The following KATNIP variants were observed in gnomAD, a reference collection of about 807,000 sequenced individuals.
KATNIP encodes the protein katanin interacting protein.
A neutral mutation model predicts 174.0 loss-of-function variants in KATNIP; 126 were observed. The ratio of observed to expected loss-of-function variants is 0.72; its 90% CI spans 0.63 to 0.84. The LOEUF (loss-of-function observed/expected upper bound fraction) is 0.84. Ranked by LOEUF, KATNIP falls within the 40% of genes least tolerant of loss-of-function variation. KATNIP has a pLI of 0.00. For synonymous variants in KATNIP, 810 were observed against 835.7 expected (o/e 0.97, Z 0.53); for missense variants, 1,958 against 2,109.7 (o/e 0.93, Z 1.41).
Position 27,708,778 on chromosome 16 carries a change from G to A in KATNIP, c.1463G>A (p.Gly488Asp), listed in dbSNP as rs1375876809. The A allele has an allele frequency of 1.2e-6, 2 of 1,613,934 alleles. No individual in the cohort carries two copies. The highest frequency in any genetic ancestry group is 1.7e-6 in the Non-Finnish European group (2 of 1,180,004). The change falls in exon 13 of 28, where the codon GGC (glycine) becomes GAC (aspartate). Residue 488 changes from glycine (G) to aspartate (D), a missense_variant. Gly to Asp is a moderately conservative substitution (Grantham distance 94). Transcript: ENST00000261588. ...ACCATGGAGATCCTGTCCAACTGGGGCAACTCGTGGTGGGTGGGTCTCACA... is the reference window on the plus strand; with the variant it reads ...ACCATGGAGATCCTGTCCAACTGGGACAACTCGTGGTGGGTGGGTCTCACA... ...YVTMEILSNW[G>D]NSWWVGLTEV...
rs978298740 is a variant in KATNIP at position 27,776,536 on chromosome 16, T to C, written c.4450-392T>C. On this transcript the variant is annotated intron_variant, in intron 24 of 27. Transcript: ENST00000261588. This position sits in a 1 kb window ranked among gnomAD's most constrained non-coding sequence, Gnocchi z 4.7. ...GGAAAGGACAGACAGGGTCAGATGC[T>C]GATCACCATGGCTGGTGCTCAACCC... Among the ~76,000 whole-genome samples the C allele has an allele frequency of 3.3e-5, 5 of 152,210 alleles. No individual in the cohort carries two copies. The highest frequency in any genetic ancestry group is 7.3e-5 in the Non-Finnish European group (5 of 68,040).
At chr16:27,767,822 G>A (rs1374945581) in intron 20 of KATNIP, among the ~76,000 whole-genome samples, 5 of 152,286 alleles carry the variant, frequency 3.3e-5, no homozygotes, top group East Asian at 1.9e-4. Flanking sequence ...TGAGCAGGCC[G>A]GTCACAGACC....
chr16:27,757,924 A>G (rs1209789908), intron 18 of KATNIP, among the ~76,000 whole-genome samples: 2 of 152,244 alleles, frequency 1.3e-5, no homozygotes, highest in African/African-American at 4.8e-5. Flanking sequence ...AAGTTTTGCA[A>G]ATATCAGCAG....
Position 27,777,873 on chromosome 16 carries a change from A to C in KATNIP, c.4713-8A>C. 1 of 1,613,952 alleles carries C rather than the reference A, an allele frequency of 6.2e-7. No homozygotes were observed. Among genetic ancestry groups the C allele is most frequent in the Non-Finnish European group, 8.5e-7 (1 of 1,179,802 alleles). On this transcript the variant is annotated splice_polypyrimidine_tract_variant and splice_region_variant and intron_variant, in intron 26 of 27. Coordinates refer to ENST00000261588, the MANE Select transcript of KATNIP (RefSeq NM_015202.5). The surrounding 1 kb of genome is among the most constrained non-coding windows in gnomAD (Gnocchi z 4.4). ...TGATCGAATCTTGTGTTTCCTTCCTACCCTCAGTAATCAGGCCGAGGATCA... is the reference window on the plus strand; with the variant it reads ...TGATCGAATCTTGTGTTTCCTTCCTCCCCTCAGTAATCAGGCCGAGGATCA...
At chr16:27,702,654 G>C (rs573517142) in intron 11 of KATNIP, among the ~76,000 whole-genome samples, 79 of 152,332 alleles carry the variant, frequency 5.2e-4, no homozygotes, top group African/African-American at 1.9e-3. Flanking sequence ...AGCCCAGAAA[G>C]GGGGTGGTCG....
At chr16:27,562,824 A>G (rs1000333005) in intron 1 of KATNIP, among the ~76,000 whole-genome samples, 2 of 152,202 alleles carry the variant, frequency 1.3e-5, no homozygotes, top group Admixed American at 6.5e-5. Flanking sequence ...AAAAAAATCA[A>G]TATTTTCCAA....
chr16:27,629,341 C>G (rs899496223), intron 4 of KATNIP, among the ~76,000 whole-genome samples: 7 of 152,080 alleles, frequency 4.6e-5, no homozygotes, highest in Non-Finnish European at 8.8e-5. Flanking sequence ...GCAAAGGCAG[C>G]CAAAGCAGTA....
intron 14 of KATNIP, among the ~76,000 whole-genome samples, chr16:27,723,339 C>T (rs2080312128): frequency 6.6e-6 from 1 of 152,058 alleles, no homozygotes; most frequent in African/African-American, 2.4e-5. Context: ...CCTGGCTTTC[C>T]ATCCCGTGAA....
chr16:27,652,415 G>A (rs2077147119), intron 6 of KATNIP, among the ~76,000 whole-genome samples: 1 of 152,202 alleles, frequency 6.6e-6, no homozygotes, highest in Non-Finnish European at 1.5e-5. Context: ...TCTGGTGAAA[G>A]GAAGACACCG....
Position 27,766,230 on chromosome 16 carries a change from C to T in KATNIP, c.3810-79C>T, listed in dbSNP as rs376615237. ...CAGGCAGTGGGGACGTACTTGGGGC[C>T]GAGGGGGTGGGGGCCCCACTGTGAT... On this transcript the variant is annotated intron_variant, in intron 19 of 27. Transcript: ENST00000261588. 6.2e-5 allele frequency: 94 copies of T among 1,510,206 alleles called. No individual in the cohort carries two copies. In the African/African-American group the frequency reaches 7.4e-4, roughly 12 times the overall value. 93.6% of individuals were successfully genotyped at this position (1,510,206 alleles called of 1,614,324 possible).
At chr16:27,595,864 G>T (rs2075318176) in intron 2 of KATNIP, among the ~76,000 whole-genome samples, 1 of 152,222 alleles carries the variant, frequency 6.6e-6, no homozygotes, top group Non-Finnish European at 1.5e-5. Flanking sequence ...GGAAGTGAGA[G>T]GAAGCCACGC....
At chr16:27,701,783 G>GT in intron 11 of KATNIP, 88 bp downstream of exon 11, 2 of 875,682 alleles carry the variant, frequency 2.3e-6, no homozygotes, top group Non-Finnish European at 3.6e-6. Flanking sequence ...CTTTTCCTAC[G>GT]TTTTTTTCAG....
chr16:27,620,479 TC>T (rs2076161122), intron 3 of KATNIP, among the ~76,000 whole-genome samples: 2 of 152,266 alleles, frequency 1.3e-5, no homozygotes, highest in Admixed American at 6.5e-5. Context: ...GCCCGAGGTC[TC>T]ACAGCCAGAA....
intron 4 of KATNIP, among the ~76,000 whole-genome samples, chr16:27,629,378 T>A (rs890754489): frequency 6.6e-6 from 1 of 152,194 alleles, no homozygotes; most frequent in Non-Finnish European, 1.5e-5. Context: ...ATTTCCTGGG[T>A]CTTAAGTCAG....
At chr16:27,562,846 G>A (rs1015190520) in intron 1 of KATNIP, among the ~76,000 whole-genome samples, 1 of 152,196 alleles carries the variant, frequency 6.6e-6, no homozygotes, top group African/African-American at 2.4e-5. Flanking sequence ...TATCTTCAAT[G>A]GGGTATTAAA....
intron 23 of KATNIP, among the ~76,000 whole-genome samples, chr16:27,773,855 C>A (rs191398162): frequency 6.6e-6 from 1 of 152,174 alleles, no homozygotes; most frequent in African/African-American, 2.4e-5. Flanking sequence ...ATCTACCAGG[C>A]CCCGAAACTC....
chr16:27,750,119 G>T lies in KATNIP; in HGVS notation c.3159G>T (p.Thr1053=). 6.2e-7 allele frequency: 1 copy of T among 1,614,100 alleles called. No homozygotes were observed. Among genetic ancestry groups the T allele is most frequent in the Non-Finnish European group, 8.5e-7 (1 of 1,180,022 alleles). Residue 1053 remains threonine (T), a synonymous_variant, in exon 16 of 28, where the codon ACG becomes ACT. Coordinates refer to ENST00000261588, the MANE Select transcript of KATNIP (RefSeq NM_015202.5). ...DDMHVWLAPF[T]RGRSHSITID... ...TGCATGTCTGGCTGGCCCCCTTCAC[G>T]CGGGGCAGATCCCACTCCATCACCA... is the stretch of plus-strand genomic sequence containing the variant.
chr16:27,688,315 G>A (rs1433052533), intron 8 of KATNIP, among the ~76,000 whole-genome samples: 8 of 151,756 alleles, frequency 5.3e-5, no homozygotes, highest in Admixed American at 2.0e-4. Context: ...CAGATTGGCC[G>A]GACATGGTGA....
intron 6 of KATNIP, among the ~76,000 whole-genome samples, chr16:27,674,891 C>G (rs2078056836): frequency 6.6e-6 from 1 of 152,208 alleles, no homozygotes; most frequent in African/African-American, 2.4e-5. Flanking sequence ...AGAATATCAT[C>G]TAAGTCTCGT....
Sources: allele counts gnomAD v4.1 joint callset (sites outside exome capture counted in the v4.1 genomes callset), GRCh38; gene constraint gnomAD v4.1.1; non-coding constraint Gnocchi (gnomAD v3.1); transcripts MANE v1.5; gene names NCBI Gene and HGNC (gene_info 2026-07-23, HGNC 2026-07-21).